TP53BP1: variants seen among roughly 807,000 people sequenced by gnomAD.
TP53BP1 encodes the protein TP53-binding protein 1.
Under a neutral mutation model 200.8 loss-of-function variants are expected in TP53BP1, and 61 were observed. The ratio of observed to expected loss-of-function variants is 0.30; its 90% CI spans 0.25 to 0.38. The LOEUF is 0.38. Among genes scored for constraint, TP53BP1 ranks in the 10% least tolerant of loss-of-function variants. TP53BP1 has a pLI of 1.00. For synonymous variants in TP53BP1, 822 were observed against 844.3 expected, an observed-to-expected ratio of 0.97 and a Z score of 0.46; for missense variants, 2,144 against 2,371.9, an observed-to-expected ratio of 0.90 and a Z score of 2.00.
At chr15:43,412,437 A>AT (rs1346125613) in intron 24 of TP53BP1, among the ~76,000 whole-genome samples, 5 of 152,186 alleles carry the variant, frequency 3.3e-5, no homozygotes, top group Admixed American at 3.3e-4. Flanking sequence ...CAGTGTATAC[A>AT]TTTATATCTG....
At chr15:43,410,820 G>A (rs1160036550) in intron 24 of TP53BP1, among the ~76,000 whole-genome samples, 7 of 151,476 alleles carry the variant, frequency 4.6e-5, no homozygotes. Flanking sequence ...CCCAGGTCAG[G>A]GGTCTCCATC....
At chr15:43,497,893 G>A (rs2079190318), upstream of TP53BP1, among the ~76,000 whole-genome samples, 1 of 152,176 alleles carries the variant, frequency 6.6e-6, no homozygotes, top group African/African-American at 2.4e-5. Flanking sequence ...TATGTTATGT[G>A]TATTTTACTA....
In TP53BP1 at chr15:43,403,423, G is replaced by C. The variant is rs2044740903; in HGVS notation, c.*3960C>G. 1 of 331,842 alleles carries C rather than the reference G, an allele frequency of 3.0e-6. No individual in the cohort carries two copies. Among genetic ancestry groups the C allele is most frequent in the African/African-American group, 2.1e-5 (1 of 46,928 alleles). The allele number at this position is 331,842 out of a possible 1,614,324, so 20.6% of individuals were successfully genotyped here. ...ACACTCTGCGGGTCTAAGAAATGAA[G>C]AGTTAAATGTGGCTAGATTGGAGGT... On this transcript the variant is annotated 3_prime_UTR_variant, in exon 28 of 28. Transcript: ENST00000382044.
intron 14 of TP53BP1, among the ~76,000 whole-genome samples, chr15:43,442,757 C>A (rs1186189971): frequency 1.3e-5 from 2 of 150,908 alleles, no homozygotes; most frequent in Admixed American, 1.3e-4. Context: ...CTCAGGTTCC[C>A]AAAGTGTGCT....
rs1417004066 is a variant in TP53BP1 at position 43,404,673 on chromosome 15, G to C, written c.*2710C>G. On this transcript the variant is annotated 3_prime_UTR_variant, in exon 28 of 28. Transcript: ENST00000382044. ...ACCCTCATTTTATAAGTAAGGCTTA[G>C]AGATAGAGGTGTGACCATCTTTAAT... 1.3e-5 allele frequency: 14 copies of C among 1,051,222 alleles called. No individual in the cohort carries two copies. Among genetic ancestry groups the C allele is most frequent in the East Asian group, 2.5e-5 (1 of 40,462 alleles). The allele number at this position is 1,051,222 out of a possible 1,614,324, so 65.1% of individuals were successfully genotyped here.
intron 15 of TP53BP1, among the ~76,000 whole-genome samples, chr15:43,438,727 G>A (rs1195241071): frequency 5.2e-5 from 1 of 19,306 alleles, no homozygotes; most frequent in African/African-American, 9.2e-4. Context: ...CAAGCAAGAG[G>A]CAAAAAAAAA....
At chr15:43,444,532 C>A (rs2045998506) in intron 14 of TP53BP1, among the ~76,000 whole-genome samples, 1 of 152,176 alleles carries the variant, frequency 6.6e-6, no homozygotes, top group Admixed American at 6.5e-5. Context: ...AGATTTGGAA[C>A]CAGACTTCCT....
At chr15:43,433,611 C>T (rs2045721273) in intron 16 of TP53BP1, among the ~76,000 whole-genome samples, 1 of 152,172 alleles carries the variant, frequency 6.6e-6, no homozygotes. Context: ...GCAAAATCTA[C>T]TCAGATTAAA....
chr15:43,421,606 A>G, intron 19 of TP53BP1: 1 of 575,140 alleles, frequency 1.7e-6, no homozygotes, highest in African/African-American at 1.9e-5. Flanking sequence ...AAATTCCCGA[A>G]AGTCCCCTCC....
At chr15:43,455,624 G>T (rs2046274141) in intron 12 of TP53BP1, among the ~76,000 whole-genome samples, 1 of 151,900 alleles carries the variant, frequency 6.6e-6, no homozygotes, top group South Asian at 2.1e-4. Context: ...GGAGGCTGAG[G>T]CACGAGAAAT....
chr15:43,479,514 T>C lies in TP53BP1; in HGVS notation c.671A>G (p.Glu224Gly). 1 of 1,609,200 alleles carries C rather than the reference T, an allele frequency of 6.2e-7. No homozygotes were observed. Among genetic ancestry groups the C allele is most frequent in the Non-Finnish European group, 8.5e-7 (1 of 1,178,598 alleles). Residue 224 changes from glutamate to glycine, a missense_variant, in exon 7 of 28, where the codon GAA becomes GGA. Coordinates refer to ENST00000382044, the MANE Select transcript of TP53BP1 (RefSeq NM_001141980.3). ...GGGGATATCTTCGTTGGACTGTTCT[T>C]CATGCTTAATTGCTGAGAGTTTTAT... ...DVDANTAIKH[E>G]EQSNEDIPIA...
Position 43,404,352 on chromosome 15 carries a change from T to C in TP53BP1, c.*3031A>G. The C allele has an allele frequency of 6.3e-7, 1 of 1,595,558 alleles. No homozygotes were observed. Among genetic ancestry groups the C allele is most frequent in the South Asian group, 1.1e-5 (1 of 89,160 alleles). ...CAAGAAACTCCTCCCTCCGCCCCCA[T>C]CCTCCATATGGAGAGTTGGTGAGCT... On this transcript the variant is annotated 3_prime_UTR_variant, in exon 28 of 28. Transcript: ENST00000382044.
intron 11 of TP53BP1, among the ~76,000 whole-genome samples, chr15:43,468,683 C>T (rs1276597653): frequency 6.6e-6 from 1 of 151,988 alleles, no homozygotes; most frequent in Non-Finnish European, 1.5e-5. Context: ...AGGCACTAGT[C>T]TAAGCATTTT....
upstream of TP53BP1, among the ~76,000 whole-genome samples, chr15:43,494,360 A>G (rs1474754168): frequency 5.3e-5 from 8 of 152,214 alleles, no homozygotes; most frequent in East Asian, 1.9e-4. Context: ...CACTGCTGCT[A>G]TAAATTACAG....
chr15:43,477,351 T>A (rs1237835809), intron 8 of TP53BP1, among the ~76,000 whole-genome samples: 1 of 151,814 alleles, frequency 6.6e-6, no homozygotes, highest in Non-Finnish European at 1.5e-5. Flanking sequence ...AATACTAAAT[T>A]TACTGTATTA....
chr15:43,474,751 C>T lies in TP53BP1; in HGVS notation c.1102G>A (p.Val368Ile), dbSNP rs2046815390. 1 of 1,611,256 alleles carries T rather than the reference C, an allele frequency of 6.2e-7. No homozygotes were observed. Among genetic ancestry groups the T allele is most frequent in the Non-Finnish European group, 8.5e-7 (1 of 1,177,498 alleles). ...CGGAAAGCATCAGGAGAAGGAGCAA[C>T]AAGATCTGAAGAATTCCTTTATATA... ...DSLSTNSSDL[V>I]APSPDAFRST... The change falls in exon 10 of 28, where the codon GTT becomes ATT. Residue 368 changes from valine to isoleucine, a missense_variant. Physicochemically the swap from Val to Ile is conservative, Grantham distance 29. Around this residue, in one of 4 missense-constraint regions of TP53BP1, gnomAD observed 1,700 missense variants for 1,710.3 expected, o/e 0.99. Transcript: ENST00000382044.
At chr15:43,465,144 G>C (rs1281883043) in intron 11 of TP53BP1, among the ~76,000 whole-genome samples, 5 of 151,954 alleles carry the variant, frequency 3.3e-5, no homozygotes, top group African/African-American at 1.2e-4. Flanking sequence ...TATAGAGACA[G>C]AAAGTAGACT....
intron 1 of TP53BP1, among the ~76,000 whole-genome samples, chr15:43,506,876 G>A (rs762900192): frequency 5.9e-5 from 9 of 152,052 alleles, no homozygotes; most frequent in Non-Finnish European, 1.2e-4. Flanking sequence ...CATTTGCAAA[G>A]GGTGTAACTT....
Position 43,407,170 on chromosome 15 carries a change from T to C in TP53BP1, c.*213A>G. The C allele has an allele frequency of 1.9e-6, 1 of 540,376 alleles. No individual in the cohort carries two copies. The highest frequency in any genetic ancestry group is 3.3e-6 in the Non-Finnish European group (1 of 302,564). 33.5% of individuals were successfully genotyped at this position (540,376 alleles called of 1,614,324 possible). A position where few individuals can be genotyped will look rare whatever the true frequency, so the allele number is the denominator to read the frequency against. On this transcript the variant is annotated 3_prime_UTR_variant, in exon 28 of 28. Coordinates refer to ENST00000382044, the MANE Select transcript of TP53BP1 (RefSeq NM_001141980.3). ...CAGAGAAAGTACTATGTCTTGTCATTTGTTCTGAGATTAAGCTCAAAAAAA... is the reference window on the plus strand; with the variant it reads ...CAGAGAAAGTACTATGTCTTGTCATCTGTTCTGAGATTAAGCTCAAAAAAA...
Sources: allele counts gnomAD v4.1 joint callset (sites outside exome capture counted in the v4.1 genomes callset), GRCh38; gene constraint gnomAD v4.1.1; regional missense constraint gnomAD v4.1.1; transcripts MANE v1.5; gene names NCBI Gene and HGNC (gene_info 2026-07-23, HGNC 2026-07-21).